The following WWOX variants were observed in gnomAD, a reference collection of about 807,000 sequenced individuals.
The protein encoded by WWOX is WW domain-containing oxidoreductase.
In WWOX, 69 loss-of-function variants were observed where a neutral mutation model predicts 46.2. That is an observed-to-expected ratio of 1.49 (90% confidence interval 1.23 to 1.82). The LOEUF (loss-of-function observed/expected upper bound fraction) is 1.82, where lower values mean the gene tolerates loss of function less well. Ranked by LOEUF, WWOX falls within the 40% of genes most tolerant of loss-of-function variation. The pLI is 0.00. For missense variants in WWOX, 919 were observed against 542.6 expected (o/e 1.69, Z -6.89); for synonymous variants, 359 against 202.6 (o/e 1.77, Z -6.56).
chr16:78,745,522 CTTTTTTTTT>C (rs5818168), intron 8 of WWOX, among the ~76,000 whole-genome samples: 2 of 92,752 alleles, frequency 2.2e-5, no homozygotes, highest in African/African-American at 4.7e-5. Context: ...TGTGGAAATC[CTTTTTTTTT>C]TTTTTTTTTT....
intron 6 of WWOX, among the ~76,000 whole-genome samples, chr16:78,391,205 A>G (rs991103473): frequency 6.6e-6 from 1 of 152,144 alleles, no homozygotes; most frequent in African/African-American, 2.4e-5. Context: ...TGAGGCTGCA[A>G]AGGAGGCTGT....
At chr16:78,798,762 T>C (rs1423561854) in intron 8 of WWOX, among the ~76,000 whole-genome samples, 4 of 152,222 alleles carry the variant, frequency 2.6e-5, no homozygotes, top group African/African-American at 9.6e-5. Context: ...GTAATTTTTC[T>C]ACTATTAACA....
chr16:79,044,541 C>A (rs2048031588), intron 8 of WWOX, among the ~76,000 whole-genome samples: 1 of 152,202 alleles, frequency 6.6e-6, no homozygotes, highest in African/African-American at 2.4e-5. Context: ...TCCGCCTTCT[C>A]CTTCTGCCAT....
At chr16:78,873,370 T>A (rs531994920) in intron 8 of WWOX, 2 of 152,350 alleles carry the variant, frequency 1.3e-5, no homozygotes, top group East Asian at 3.9e-4. Context: ...GACTATCTCC[T>A]TATGCTGATT....
intron 5 of WWOX, among the ~76,000 whole-genome samples, chr16:78,324,678 G>A (rs1002711581): frequency 4.1e-4 from 61 of 149,416 alleles, no homozygotes; most frequent in Admixed American, 6.8e-4. Flanking sequence ...AGTGAAAGAA[G>A]TTAGTTACAA....
intron 8 of WWOX, among the ~76,000 whole-genome samples, chr16:78,555,386 TGGAA>T (rs1333931014): frequency 1.3e-5 from 2 of 152,174 alleles, no homozygotes; most frequent in Admixed American, 6.5e-5. Context: ...GTTGAATACT[TGGAA>T]GGCGATGTGT....
At chr16:78,861,623 A>G (rs2043887470) in intron 8 of WWOX, among the ~76,000 whole-genome samples, 1 of 152,144 alleles carries the variant, frequency 6.6e-6, no homozygotes. Flanking sequence ...CACACCCAAA[A>G]ACATCACAAA....
intron 8 of WWOX, chr16:78,525,526 G>A (rs2941951): frequency 0.94 from 143,411 of 152,274 alleles, 68,095 homozygotes; most frequent in East Asian, 1. Flanking sequence ...CTTGTTTGCA[G>A]GAAATAGTTC....
chr16:78,550,750 C>T (rs1011931920), intron 8 of WWOX: 7 of 152,128 alleles, frequency 4.6e-5, no homozygotes, highest in Non-Finnish European at 1.0e-4. Context: ...AAAGAGCTAG[C>T]TTGGAGATGA....
intron 8 of WWOX, among the ~76,000 whole-genome samples, chr16:78,845,137 T>A (rs2052265032): frequency 2.0e-5 from 3 of 150,930 alleles, no homozygotes; most frequent in South Asian, 4.2e-4. Context: ...TGCTGTCTTT[T>A]TTTTTTTTTT....
At chr16:78,975,849 G>A (rs9930281) in intron 8 of WWOX, among the ~76,000 whole-genome samples, 116,595 of 151,990 alleles carry the variant, frequency 0.77, 45,552 homozygotes, top group Middle Eastern at 0.87. Flanking sequence ...TCCTAGAACC[G>A]TAAGGACCCT....
At chr16:78,524,556 G>A (rs1292475723) in intron 8 of WWOX, among the ~76,000 whole-genome samples, 1 of 151,678 alleles carries the variant, frequency 6.6e-6, no homozygotes, top group East Asian at 1.9e-4. Context: ...GAGTAGCTGG[G>A]ATTACAGTTG....
At chr16:79,198,856 A>C (rs535266041) in intron 8 of WWOX, among the ~76,000 whole-genome samples, 2 of 152,324 alleles carry the variant, frequency 1.3e-5, no homozygotes, top group South Asian at 4.1e-4. Flanking sequence ...TTGAAAGGTC[A>C]CTATGATGAT....
At chr16:78,407,975 C>A (rs1434475718) in intron 6 of WWOX, among the ~76,000 whole-genome samples, 10 of 152,108 alleles carry the variant, frequency 6.6e-5, no homozygotes, top group Non-Finnish European at 1.2e-4. Flanking sequence ...AATTGGAAGC[C>A]AAGTCCCCTG....
intron 8 of WWOX, among the ~76,000 whole-genome samples, chr16:79,095,890 A>C (rs1430943819): frequency 7.3e-6 from 1 of 136,782 alleles, no homozygotes; most frequent in African/African-American, 2.8e-5. Context: ...TTTAAGACAG[A>C]GTCTTGCTCT....
chr16:79,145,590 G>C (rs1255404123), intron 8 of WWOX, among the ~76,000 whole-genome samples: 1 of 152,150 alleles, frequency 6.6e-6, no homozygotes, highest in Non-Finnish European at 1.5e-5. Flanking sequence ...GCTGTCAATT[G>C]TCACATTATT....
chr16:78,595,107 G>A (rs2045456475), intron 8 of WWOX, among the ~76,000 whole-genome samples: 1 of 152,192 alleles, frequency 6.6e-6, no homozygotes, highest in African/African-American at 2.4e-5. Flanking sequence ...GTTAGCAGAG[G>A]CAGTGGCAGA....
intron 8 of WWOX, chr16:78,756,926 A>T (rs1467581834): frequency 1.4e-6 from 1 of 703,004 alleles, no homozygotes; most frequent in Admixed American, 2.0e-5. Context: ...ACTGATGTGG[A>T]TCATTCACTC....
chr16:78,764,492 A>G (rs536378156), intron 8 of WWOX, among the ~76,000 whole-genome samples: 1 of 147,526 alleles, frequency 6.8e-6, no homozygotes, highest in Non-Finnish European at 1.5e-5. Context: ...CATCCAAACC[A>G]GTTACCTGTT....
Sources: gnomAD v4.1 joint callset for allele counts (sites outside exome capture counted in the v4.1 genomes callset) on GRCh38, gnomAD v4.1.1 for gene constraint, MANE v1.5 for transcripts, NCBI Gene and HGNC (gene_info 2026-07-23, HGNC 2026-07-21) for gene names.